The following NARF variants were observed in gnomAD, a reference collection of about 807,000 sequenced individuals.
The protein encoded by NARF is iron-only hydrogenase-like protein 2.
NARF carries 41 observed loss-of-function variants against 48.0 expected under a neutral mutation model. The ratio of observed to expected loss-of-function variants is 0.85; its 90% CI spans 0.66 to 1.11. The LOEUF (loss-of-function observed/expected upper bound fraction) is 1.11. NARF is among the 50% of genes least tolerant of loss of function. The probability of loss-of-function intolerance (pLI) is 0.00; values close to 1 mark genes in which losing one functional copy is unlikely to be tolerated. For synonymous variants in NARF, 215 were observed against 225.5 expected, an observed-to-expected ratio of 0.95 and a Z score of 0.42; for missense variants, 613 against 590.2, an observed-to-expected ratio of 1.04 and a Z score of -0.40.
Position 82,471,708 on chromosome 17 carries a change from C to T in NARF, c.386-856C>T, listed in dbSNP as rs980100626. Among the ~76,000 whole-genome samples, 6 of 139,738 alleles carry T rather than the reference C, an allele frequency of 4.3e-5. No homozygotes were observed. In the East Asian group the frequency reaches 1.4e-3, roughly 33 times the overall value. The allele number at this position is 139,738 out of a possible 152,430, so 91.7% of individuals were successfully genotyped here. On this transcript the variant is annotated intron_variant, in intron 4 of 10. Transcript: ENST00000309794. ...TCGGGAGGCTGAGGCAGGAGAATGGCATGAACCCAAGAGGCGGAGCTTGCA... is the reference window on the plus strand; with the variant it reads ...TCGGGAGGCTGAGGCAGGAGAATGGTATGAACCCAAGAGGCGGAGCTTGCA...
chr17:82,488,372 T>A lies in NARF; in HGVS notation c.*215T>A. On this transcript the variant is annotated 3_prime_UTR_variant, in exon 11 of 11. Transcript: ENST00000309794. The stretch of plus-strand genomic sequence containing the variant: ...TCATAATAGGTGTGGGATTGGAACT[T>A]TTTTTTTCTTTTTTTTTTTTTGAGA... 2 of 635,892 alleles carry A rather than the reference T, an allele frequency of 3.1e-6. No homozygotes were observed. The highest frequency in any genetic ancestry group is 3.2e-5 in the East Asian group (1 of 31,418). The allele number at this position is 635,892 out of a possible 1,614,324, so 39.4% of individuals were successfully genotyped here. A position where few individuals can be genotyped will look rare whatever the true frequency, so the allele number is the denominator to read the frequency against.
chr17:82,471,563 C>T lies in NARF; in HGVS notation c.386-1001C>T, dbSNP rs1262078767. Among the ~76,000 whole-genome samples, 13 of 145,282 alleles carry T rather than the reference C, an allele frequency of 8.9e-5. No homozygotes were observed. The East Asian group carries it at 1.3e-3, about 14-fold the overall frequency. ...ATCCCAGCACTTTGGGAGGCCGAGG[C>T]GGGCGGATCACGAGGTCAGGAGATC... On this transcript the variant is annotated intron_variant, in intron 4 of 10. Coordinates refer to ENST00000309794, the MANE Select transcript of NARF (RefSeq NM_012336.4).
intron 5 of NARF, among the ~76,000 whole-genome samples, chr17:82,473,714 C>T (rs1003018994): frequency 6.6e-6 from 1 of 151,990 alleles, no homozygotes; most frequent in Non-Finnish European, 1.5e-5. Context: ...AGCGCCACCA[C>T]GCCTGGCTAA....
chr17:82,484,925 G>A lies in NARF; in HGVS notation c.946G>A (p.Glu316Lys), dbSNP rs754722531. The change falls in exon 9 of 11, where the codon GAG becomes AAG. Residue 316 changes from glutamate (E) to lysine (K), a missense_variant. By Grantham distance (56) the Glu-to-Lys change is moderately conservative (BLOSUM62 1). Transcript: ENST00000309794. ...CAAGGAGCTGTTCAACGAGGATGTG[G>A]AGGAGGTCACTTACCGAGCCCTGAG... ...AAKELFNEDVEEVTYRALRNK... is the reference protein window; with the variant it reads ...AAKELFNEDVKEVTYRALRNK... The A allele has an allele frequency of 6.2e-7, 1 of 1,612,218 alleles. No individual in the cohort carries two copies. The highest frequency in any genetic ancestry group is 8.5e-7 in the Non-Finnish European group (1 of 1,179,096).
Position 82,488,129 on chromosome 17 carries a change from G to T in NARF, c.1343G>T (p.Gly448Val), listed in dbSNP as rs371638087. The change falls in exon 11 of 11, where the codon GGC (glycine) becomes GTC (valine). Residue 448 changes from glycine to valine, a missense_variant. Gly to Val is a moderately radical substitution (Grantham distance 109, BLOSUM62 -3). Coordinates refer to ENST00000309794, the MANE Select transcript of NARF (RefSeq NM_012336.4). ...LHTTYQSQER[G>V]THSLDIKW Reference sequence around the variant, plus strand: ...ACCACGTACCAGAGCCAGGAGCGTGGCACACACAGCCTGGACATCAAGTGG... The same window carrying T: ...ACCACGTACCAGAGCCAGGAGCGTGTCACACACAGCCTGGACATCAAGTGG... 1.4e-5 allele frequency: 23 copies of T among 1,613,992 alleles called. No homozygotes were observed. Among genetic ancestry groups the T allele is most frequent in the Non-Finnish European group, 1.9e-5 (23 of 1,180,010 alleles).
At chr17:82,471,805 A>AAAAAAAAAAAAAAAAAAAAAAAAAG (rs1567935705) in intron 4 of NARF, among the ~76,000 whole-genome samples, 1 of 148,548 alleles carries the variant, frequency 6.7e-6, no homozygotes, top group African/African-American at 2.5e-5. Flanking sequence ...AAAAAAAAAA[A>AAAAAAAAAAAAAAAAAAAAAAAAAG]AAGTATGCCC....
chr17:82,467,175 T>C (rs1018620137), intron 3 of NARF, among the ~76,000 whole-genome samples: 8 of 151,960 alleles, frequency 5.3e-5, no homozygotes, highest in Non-Finnish European at 7.4e-5. Flanking sequence ...GCCCCCTGAG[T>C]ATCTGGGATT....
intron 3 of NARF, 87 bp from the exon 4 acceptor site, chr17:82,468,677 C>T (rs1461202188): frequency 1.1e-5 from 15 of 1,305,226 alleles, no homozygotes; most frequent in Admixed American, 3.9e-5. Context: ...CATCTATTAA[C>T]GTTGTTCTGA....
intron 5 of NARF, among the ~76,000 whole-genome samples, chr17:82,473,035 G>A (rs934431027): frequency 3.3e-5 from 5 of 151,946 alleles, no homozygotes; most frequent in African/African-American, 1.2e-4. Flanking sequence ...CCACCTCCCG[G>A]GTTCAAGCGA....
Position 82,485,500 on chromosome 17 carries a change from CA to C in NARF, c.978del (p.Asp327ThrfsTer29). 1 of 1,613,868 alleles carries C rather than the reference CA, an allele frequency of 6.2e-7. No individual in the cohort carries two copies. The highest frequency in any genetic ancestry group is 8.5e-7 in the Non-Finnish European group (1 of 1,179,874). On this transcript the variant is annotated frameshift_variant, in exon 10 of 11. Transcript: ENST00000309794. LOFTEE classifies it high-confidence loss of function. ...ATTCTCTGTGTTCATTTTGTAGAAA[CA>C]AAGACTTCCAAGAGGTCACCCTTGA... ...EEVTYRALRN[K>X]DFQEVTLEKN...
rs781267271 is a variant in NARF at position 82,484,970 on chromosome 17, G to A, written c.971+20G>A. On this transcript the variant is annotated intron_variant, in intron 9 of 10. Coordinates refer to ENST00000309794, the MANE Select transcript of NARF (RefSeq NM_012336.4). ...CCTGAGGTGTGGGGCAGTATCCACAGCCTGTCTGTGCCTGTGGTTAGCACG... is the reference window on the plus strand; with the variant it reads ...CCTGAGGTGTGGGGCAGTATCCACAACCTGTCTGTGCCTGTGGTTAGCACG... 10 of 1,578,498 alleles carry A rather than the reference G, an allele frequency of 6.3e-6. No individual in the cohort carries two copies. The East Asian group carries it at 2.3e-4, about 36-fold the overall frequency.
intron 4 of NARF, among the ~76,000 whole-genome samples, chr17:82,470,934 G>T (rs2043685893): frequency 6.6e-6 from 1 of 151,834 alleles, no homozygotes; most frequent in Non-Finnish European, 1.5e-5. Context: ...AGGCCGAGGG[G>T]GCAGATCACC....
intron 4 of NARF, 24 bp downstream of exon 4, chr17:82,468,920 G>A (rs142247591): frequency 1.2e-6 from 2 of 1,611,800 alleles, no homozygotes; most frequent in Non-Finnish European, 1.7e-6. Context: ...TGATAAATTG[G>A]GAATGTATAA....
At chr17:82,476,813 C>A (rs1472058860) in intron 5 of NARF, 1 of 152,246 alleles carries the variant, frequency 6.6e-6, no homozygotes, top group East Asian at 1.9e-4. Flanking sequence ...TCACTGCAAC[C>A]CCCACCTCCC....
intron 3 of NARF, among the ~76,000 whole-genome samples, chr17:82,465,262 C>T (rs1208443579): frequency 6.6e-6 from 1 of 152,202 alleles, no homozygotes; most frequent in African/African-American, 2.4e-5. Flanking sequence ...GCCCAGCCTT[C>T]AGTTTCACAT....
chr17:82,479,362 C>T (rs1328308577), intron 6 of NARF, among the ~76,000 whole-genome samples: 2 of 152,210 alleles, frequency 1.3e-5, no homozygotes, highest in South Asian at 2.1e-4. Flanking sequence ...CCTCAGACCA[C>T]GGGCATCACA....
intron 8 of NARF, 193 bp downstream of exon 8, chr17:82,483,972 G>T (rs771821002): frequency 3.3e-4 from 184 of 550,798 alleles, no homozygotes; most frequent in Non-Finnish European, 5.1e-4. Context: ...CACCAGGGCT[G>T]CCAGGGAGTT....
intron 1 of NARF, among the ~76,000 whole-genome samples, chr17:82,459,617 C>G (rs568496348): frequency 6.6e-6 from 1 of 152,366 alleles, no homozygotes; most frequent in Non-Finnish European, 1.5e-5. Flanking sequence ...GTTATCCCAG[C>G]ACCTTGGGAG....
intron 6 of NARF, chr17:82,480,602 C>T (rs1353327578): frequency 1.5e-5 from 6 of 410,402 alleles, no homozygotes; most frequent in Non-Finnish European, 2.6e-5. Context: ...ATCTGTGGGG[C>T]CCGGCCTCAG....
Sources: allele counts gnomAD v4.1 joint callset (sites outside exome capture counted in the v4.1 genomes callset), GRCh38; gene constraint gnomAD v4.1.1; transcripts MANE v1.5; gene names NCBI Gene and HGNC (gene_info 2026-07-23, HGNC 2026-07-21).